Variants in FYB2 observed in about 807,000 individuals in gnomAD.
FYB2 encodes FYN-binding protein 2.
A neutral mutation model predicts 94.1 loss-of-function variants in FYB2; 103 were observed. That is an observed-to-expected ratio of 1.09 (90% CI 0.93 to 1.29). The LOEUF (loss-of-function observed/expected upper bound fraction) is 1.29, where lower values mean the gene tolerates loss of function less well. Ranked by LOEUF, FYB2 falls within the 50% of genes most tolerant of loss-of-function variation. The pLI, the probability that FYB2 is intolerant of heterozygous loss-of-function variation, is 0.00. For synonymous variants in FYB2, 293 were observed against 287.9 expected (o/e 1.02, Z -0.18); for missense variants, 896 against 841.5 (o/e 1.06, Z -0.80).
intron 1 of FYB2, among the ~76,000 whole-genome samples, chr1:56,810,059 G>A (rs1207406620): frequency 2.6e-5 from 4 of 152,182 alleles, no homozygotes; most frequent in African/African-American, 4.8e-5. Flanking sequence ...AAGAGAAAGA[G>A]GAGGGGGAAG....
At chr1:56,721,357 T>G (rs1557577045) in intron 17 of FYB2, among the ~76,000 whole-genome samples, 1 of 152,086 alleles carries the variant, frequency 6.6e-6, no homozygotes, top group Non-Finnish European at 1.5e-5. Flanking sequence ...TTTATTATTA[T>G]GATTAAGAGT....
the FYB2 span, among the ~76,000 whole-genome samples, chr1:56,825,649 G>A: frequency 7.9e-5 from 12 of 152,158 alleles, no homozygotes; most frequent in East Asian, 2.1e-3. Context: ...AAAAAATAGG[G>A]AATACAATAA....
intron 15 of FYB2, among the ~76,000 whole-genome samples, chr1:56,729,868 T>C (rs1039853317): frequency 5.3e-5 from 8 of 151,816 alleles, no homozygotes; most frequent in African/African-American, 1.9e-4. Flanking sequence ...TAAACATCAA[T>C]AACAAGAGGA....
At position 56,738,638 on chromosome 1, in the gene FYB2, C is replaced by T. The variant is rs770138573; in HGVS notation, c.1719G>A (p.Leu573=). ...SKENLSAFSI[L]LPDLELKSQE... Reference sequence around the variant, plus strand: ...AATGGCACTTACCTAAATCAGGCAGCAAAATGGAAAATGCACTGTTGATTG... The same window carrying T: ...AATGGCACTTACCTAAATCAGGCAGTAAAATGGAAAATGCACTGTTGATTG... The change falls in exon 14 of 20, where the codon TTG becomes TTA. Residue 573 remains leucine (L), a synonymous_variant. Transcript: ENST00000343433. 1 of 1,610,348 alleles carries T rather than the reference C, an allele frequency of 6.2e-7. No homozygotes were observed. The highest frequency in any genetic ancestry group is 8.5e-7 in the Non-Finnish European group (1 of 1,178,090).
chr1:56,765,829 T>G (rs1645609050), intron 5 of FYB2, among the ~76,000 whole-genome samples: 1 of 152,210 alleles, frequency 6.6e-6, no homozygotes, highest in South Asian at 2.1e-4. Context: ...TTCTTATGTT[T>G]GTTTTACATA....
At chr1:56,788,075 C>T (rs528079323) in intron 3 of FYB2, among the ~76,000 whole-genome samples, 390 of 152,304 alleles carry the variant, frequency 2.6e-3, no homozygotes, top group African/African-American at 9.0e-3. Flanking sequence ...AATTATCAAG[C>T]TCCAACTCAG....
At chr1:56,819,601 C>A (rs920410723), upstream of FYB2, 5 of 526,104 alleles carry the variant, frequency 9.5e-6, no homozygotes, top group African/African-American at 9.5e-5. Context: ...CCGTTGCTCC[C>A]CTCCGGCTGG....
intron 4 of FYB2, 33 bp downstream of exon 4, chr1:56,787,142 A>G (rs753502969): frequency 6.2e-7 from 1 of 1,612,912 alleles, no homozygotes; most frequent in South Asian, 1.1e-5. Flanking sequence ...GTGGTGGGCT[A>G]CGTTCCTACA....
intron 1 of FYB2, among the ~76,000 whole-genome samples, chr1:56,793,615 A>G (rs186682953): frequency 1.3e-5 from 2 of 152,070 alleles, no homozygotes; most frequent in East Asian, 1.9e-4. Flanking sequence ...TTGAAAAATT[A>G]CCTATTGGGT....
intron 15 of FYB2, among the ~76,000 whole-genome samples, chr1:56,735,599 C>T (rs1308556628): frequency 6.6e-6 from 1 of 151,994 alleles, no homozygotes; most frequent in South Asian, 2.1e-4. Context: ...CCCCATGTGT[C>T]GAGGGAGGGA....
At chr1:56,728,652 G>T (rs947922456) in intron 15 of FYB2, among the ~76,000 whole-genome samples, 4 of 152,112 alleles carry the variant, frequency 2.6e-5, no homozygotes, top group Non-Finnish European at 4.4e-5. Context: ...TGTGTTACAG[G>T]TAGAACTATT....
chr1:56,784,231 G>A (rs1249742445), intron 4 of FYB2, among the ~76,000 whole-genome samples: 1 of 151,930 alleles, frequency 6.6e-6, no homozygotes, highest in Non-Finnish European at 1.5e-5. Flanking sequence ...TTTTGCAGAA[G>A]TTTTTTTTCT....
chr1:56,733,142 A>T (rs999121393), intron 15 of FYB2, among the ~76,000 whole-genome samples: 2 of 152,092 alleles, frequency 1.3e-5, no homozygotes, highest in African/African-American at 2.4e-5. Context: ...ACAGAAAAAA[A>T]AATTCAATTA....
chr1:56,788,938 G>A (rs1646194890), intron 3 of FYB2, 35 bp downstream of exon 3: 2 of 1,612,746 alleles, frequency 1.2e-6, no homozygotes, highest in African/African-American at 1.3e-5. Context: ...GTGACTCCTG[G>A]TTGGCCTTGT....
chr1:56,821,666 A>G (rs1416258486), upstream of FYB2, among the ~76,000 whole-genome samples: 2 of 152,118 alleles, frequency 1.3e-5, no homozygotes, highest in Non-Finnish European at 1.5e-5. Context: ...TCTCCTCCTC[A>G]ATGGTTGGTG....
chr1:56,774,897 C>T (rs1557636546), intron 4 of FYB2, among the ~76,000 whole-genome samples: 1 of 152,156 alleles, frequency 6.6e-6, no homozygotes, highest in East Asian at 1.9e-4. Context: ...TGCTTCCTGC[C>T]CTCAAACATT....
intron 4 of FYB2, among the ~76,000 whole-genome samples, chr1:56,775,262 ACTAGGTATTT>A (rs999780655): frequency 1.3e-5 from 2 of 152,186 alleles, no homozygotes; most frequent in African/African-American, 4.8e-5. Flanking sequence ...AGCCCTGGGC[ACTAGGTATTT>A]CTTTTTTCTA....
chr1:56,767,749 T>C, intron 5 of FYB2, 80 bp downstream of exon 5: 1 of 1,104,178 alleles, frequency 9.1e-7, no homozygotes, highest in Non-Finnish European at 1.3e-6. Context: ...AAACTTACAG[T>C]TAGCTAAAGG....
At chr1:56,775,168 C>T (rs997328802) in intron 4 of FYB2, among the ~76,000 whole-genome samples, 5 of 152,110 alleles carry the variant, frequency 3.3e-5, no homozygotes, top group African/African-American at 1.2e-4. Context: ...TTAGTCCTGT[C>T]CTTCTAGAGA....
Sources: gnomAD v4.1 joint callset for allele counts (sites outside exome capture counted in the v4.1 genomes callset) on GRCh38, gnomAD v4.1.1 for gene constraint, MANE v1.5 for transcripts, NCBI Gene and HGNC (gene_info 2026-07-23, HGNC 2026-07-21) for gene names.